The following BAIAP2L1 variants were observed in gnomAD, a reference collection of about 807,000 sequenced individuals.
The protein encoded by BAIAP2L1 is BAR/IMD domain-containing adapter protein 2-like 1.
BAIAP2L1 carries 35 observed loss-of-function variants against 66.3 expected under a neutral mutation model. That is an observed-to-expected ratio of 0.53 (90% CI 0.40 to 0.70). BAIAP2L1 has a LOEUF of 0.70. Ranked by LOEUF, BAIAP2L1 falls within the 30% of genes least tolerant of loss-of-function variation. The pLI, the probability that BAIAP2L1 is intolerant of heterozygous loss-of-function variation, is 0.00. For synonymous variants in BAIAP2L1, 269 were observed against 248.7 expected, an observed-to-expected ratio of 1.08 and a Z score of -0.77; for missense variants, 622 against 656.9, an observed-to-expected ratio of 0.95 and a Z score of 0.58.
intron 3 of BAIAP2L1, among the ~76,000 whole-genome samples, chr7:98,322,294 C>T (rs1388186055): frequency 6.6e-6 from 1 of 152,150 alleles, no homozygotes; most frequent in Non-Finnish European, 1.5e-5. Flanking sequence ...CACTGGCCAC[C>T]CAGGCTTCCC....
In BAIAP2L1 at chr7:98,388,972, TA is replaced by T. The variant is rs530629720; in HGVS notation, c.51+11829del. On this transcript the variant is annotated intron_variant, in intron 1 of 13. Coordinates refer to ENST00000005260, the MANE Select transcript of BAIAP2L1 (RefSeq NM_018842.5). ...CTGGACAACAGAGACCCTAAGAAAT[TA>T]AAAAAAAAAAACAAAAAACAAACCA... Among the ~76,000 whole-genome samples, 445 of 110,488 alleles carry T rather than the reference TA, an allele frequency of 4.0e-3. 2 individuals carry two copies. The highest frequency in any genetic ancestry group is 0.011 in the African/African-American group (395 of 34,964). The allele number at this position is 110,488 out of a possible 152,430, so 72.5% of individuals were successfully genotyped here.
intron 8 of BAIAP2L1, 29 bp downstream of exon 8, chr7:98,312,068 G>A (rs750188978): frequency 5.1e-6 from 8 of 1,564,192 alleles, no homozygotes; most frequent in Non-Finnish European, 6.9e-6. Context: ...ACACACGATT[G>A]AAATCTGGAA....
At chr7:98,360,238 AT>A (rs1354794628) in intron 2 of BAIAP2L1, among the ~76,000 whole-genome samples, 1 of 151,516 alleles carries the variant, frequency 6.6e-6, no homozygotes, top group African/African-American at 2.4e-5. Context: ...TAATTTTTAA[AT>A]TTTTTTTGTA....
chr7:98,376,499 GGAGACC>G (rs928121937), intron 1 of BAIAP2L1, among the ~76,000 whole-genome samples: 11 of 151,424 alleles, frequency 7.3e-5, no homozygotes, highest in South Asian at 4.2e-4. Context: ...CAAGGCAGAG[GGAGACC>G]TTGTCTCAAA....
chr7:98,308,189 G>A (rs1800735350), intron 9 of BAIAP2L1: 1 of 569,086 alleles, frequency 1.8e-6, no homozygotes, highest in Non-Finnish European at 3.3e-6. Context: ...GGGTTGATCT[G>A]CACTGCTTTA....
chr7:98,295,786 C>A (rs1462724644), intron 12 of BAIAP2L1, among the ~76,000 whole-genome samples: 1 of 152,158 alleles, frequency 6.6e-6, no homozygotes, highest in Non-Finnish European at 1.5e-5. Context: ...GGAGCTTGTT[C>A]AGAGCCTCCT....
chr7:98,380,029 C>G (rs181907309), intron 1 of BAIAP2L1, among the ~76,000 whole-genome samples: 2 of 151,460 alleles, frequency 1.3e-5, no homozygotes, highest in African/African-American at 4.9e-5. Flanking sequence ...TTAAATTGTA[C>G]GCTTAAAATG....
rs748817830 is a variant in BAIAP2L1 at position 98,315,590 on chromosome 7, C to G, written c.509G>C (p.Arg170Pro). ...AATGAATTTCTGGATTTCACTCTGA[C>G]GAGAAGTAACGGTCTCCACATACTA... ...EIEYVETVTS[R>P]QSEIQKFIAD... Residue 170 changes from arginine (R) to proline (P), a missense_variant, in exon 7 of 14, where the codon CGT becomes CCT. Arg to Pro is a moderately radical substitution (Grantham distance 103). Coordinates refer to ENST00000005260, the MANE Select transcript of BAIAP2L1 (RefSeq NM_018842.5). The G allele has an allele frequency of 9.6e-6, 14 of 1,453,682 alleles. No individual in the cohort carries two copies. The highest frequency in any genetic ancestry group is 1.3e-5 in the Non-Finnish European group (14 of 1,093,160). The allele number at this position is 1,453,682 out of a possible 1,614,324, so 90.0% of individuals were successfully genotyped here.
intron 3 of BAIAP2L1, among the ~76,000 whole-genome samples, chr7:98,337,339 C>T (rs1318500785): frequency 6.6e-6 from 1 of 151,710 alleles, no homozygotes; most frequent in African/African-American, 2.4e-5. Flanking sequence ...TCAAGCAATT[C>T]TCCTGCCTCA....
chr7:98,309,508 C>T (rs919517162), intron 9 of BAIAP2L1: 2 of 152,190 alleles, frequency 1.3e-5, no homozygotes, highest in African/African-American at 4.8e-5. Context: ...TCATCTGAAT[C>T]ACTGGGATGC....
intron 1 of BAIAP2L1, among the ~76,000 whole-genome samples, chr7:98,388,082 G>C (rs1445368435): frequency 2.0e-5 from 3 of 152,086 alleles, no homozygotes; most frequent in African/African-American, 7.2e-5. Flanking sequence ...GGTGGGGAGT[G>C]ACAGTCTAGT....
intron 3 of BAIAP2L1, among the ~76,000 whole-genome samples, chr7:98,320,729 G>A (rs76940574): frequency 2.4e-4 from 36 of 152,328 alleles, no homozygotes; most frequent in African/African-American, 8.2e-4. Context: ...TCATCCCTGA[G>A]ACACATCAGG....
chr7:98,354,021 C>T (rs1361468837), intron 3 of BAIAP2L1, among the ~76,000 whole-genome samples: 11 of 151,672 alleles, frequency 7.3e-5, no homozygotes, highest in African/African-American at 1.2e-4. Context: ...TTAAAAAATA[C>T]ATAGATCGCT....
In BAIAP2L1 at chr7:98,293,237, A is replaced by ATTTTTG; in HGVS notation, c.*283_*284insCAAAAA. 1 of 355,506 alleles carries ATTTTTG rather than the reference A, an allele frequency of 2.8e-6. No homozygotes were observed. Among genetic ancestry groups the ATTTTTG allele is most frequent in the Non-Finnish European group, 5.1e-6 (1 of 196,962 alleles). 22.0% of individuals were successfully genotyped at this position (355,506 alleles called of 1,614,324 possible). A position where few individuals can be genotyped will look rare whatever the true frequency, so the allele number is the denominator to read the frequency against. On this transcript the variant is annotated 3_prime_UTR_variant, in exon 14 of 14. Coordinates refer to ENST00000005260, the MANE Select transcript of BAIAP2L1 (RefSeq NM_018842.5). The stretch of plus-strand genomic sequence containing the variant: ...ATTAAGGAAAAAATTCATTTAAAAA[A>ATTTTTG]TACAGTAAAGATTGAAACCAAGTTT...
chr7:98,317,769 T>C (rs1392790174), intron 5 of BAIAP2L1, among the ~76,000 whole-genome samples: 1 of 146,084 alleles, frequency 6.8e-6, no homozygotes, highest in African/African-American at 2.6e-5. Flanking sequence ...GTTCACATCA[T>C]CCTCACACTG....
At chr7:98,362,554 T>C in intron 1 of BAIAP2L1, 122 bp from the exon 2 acceptor site, 1 of 714,126 alleles carries the variant, frequency 1.4e-6, no homozygotes, top group South Asian at 2.0e-5. Flanking sequence ...TACAAAGTAA[T>C]GAATGCTGAT....
intron 9 of BAIAP2L1, chr7:98,308,179 G>T: frequency 1.7e-6 from 1 of 581,716 alleles, no homozygotes; most frequent in Non-Finnish European, 3.2e-6. Context: ...GGTGTGTGCC[G>T]GGTTGATCTG....
chr7:98,376,562 T>C (rs1269602980), intron 1 of BAIAP2L1, among the ~76,000 whole-genome samples: 2 of 149,644 alleles, frequency 1.3e-5, no homozygotes, highest in Non-Finnish European at 3.0e-5. Context: ...GGCTCAAGCC[T>C]GTAATCCCAG....
At chr7:98,293,941 TC>T in intron 13 of BAIAP2L1, 132 bp downstream of exon 13, 1 of 1,045,824 alleles carries the variant, frequency 9.6e-7, no homozygotes. Flanking sequence ...GGGGCTGCAC[TC>T]CCCCATGGCT....
Sources: gnomAD v4.1 joint callset for allele counts (sites outside exome capture counted in the v4.1 genomes callset) on GRCh38, gnomAD v4.1.1 for gene constraint, MANE v1.5 for transcripts, NCBI Gene and HGNC (gene_info 2026-07-23, HGNC 2026-07-21) for gene names.